Variants in MEMO1 observed in about 807,000 individuals in gnomAD.
The protein encoded by MEMO1 is protein MEMO1.
In MEMO1, 6 loss-of-function variants were observed where a neutral mutation model predicts 45.2. That is an observed-to-expected ratio of 0.13 (90% CI 0.07 to 0.26). The LOEUF (loss-of-function observed/expected upper bound fraction) is 0.26. Among genes scored for constraint, MEMO1 ranks in the 10% least tolerant of loss-of-function variants. MEMO1 has a pLI of 1.00. For synonymous variants in MEMO1, 78 were observed against 124.3 expected, an observed-to-expected ratio of 0.63 and a Z score of 2.48; for missense variants, 184 against 370.5, an observed-to-expected ratio of 0.50 and a Z score of 4.13.
At chr2:31,947,347 A>G (rs546067841) in intron 2 of MEMO1, among the ~76,000 whole-genome samples, 2 of 152,344 alleles carry the variant, frequency 1.3e-5, no homozygotes, top group East Asian at 1.9e-4. Context: ...TTATCTTTGA[A>G]TAAGATAATT....
chr2:31,993,467 G>A lies in MEMO1; in HGVS notation c.61+16720C>T, dbSNP rs1220812238. ...AAGACAACTTATAAACTACTGCCCA[G>A]TGAAGAGGAGCACAGACCTGGGTGG... On this transcript the variant is annotated intron_variant, in intron 2 of 9. Coordinates refer to ENST00000404530, the MANE Select transcript of MEMO1 (RefSeq NM_001301833.4). 4.6e-5 allele frequency among the ~76,000 whole-genome samples: 7 copies of A among 152,312 alleles called. No individual in the cohort carries two copies. In the South Asian group the frequency reaches 1.2e-3, roughly 27 times the overall value.
At chr2:31,869,362 TTC>T (rs1410053934) in intron 9 of MEMO1, among the ~76,000 whole-genome samples, 13 of 152,182 alleles carry the variant, frequency 8.5e-5, no homozygotes, top group Non-Finnish European at 7.4e-5. Flanking sequence ...TAACCGAAAC[TTC>T]TGACTCTTAC....
intron 4 of MEMO1, among the ~76,000 whole-genome samples, chr2:31,929,763 A>G (rs1367772807): frequency 6.6e-6 from 1 of 152,230 alleles, no homozygotes; most frequent in Non-Finnish European, 1.5e-5. Flanking sequence ...GTGGAAGGTA[A>G]GAATAGAAAG....
At chr2:31,911,058 G>A (rs372584603) in intron 6 of MEMO1, among the ~76,000 whole-genome samples, 3 of 152,092 alleles carry the variant, frequency 2.0e-5, no homozygotes, top group African/African-American at 7.2e-5. Context: ...AGGGGGAGAA[G>A]ATTGGCAATG....
chr2:32,001,334 C>T (rs934262609), intron 2 of MEMO1, among the ~76,000 whole-genome samples: 11 of 152,022 alleles, frequency 7.2e-5, no homozygotes, highest in Admixed American at 2.0e-4. Flanking sequence ...CCATCGCACC[C>T]GGCAGAAGTG....
intron 2 of MEMO1, among the ~76,000 whole-genome samples, chr2:31,969,584 T>TGG (rs1237171463): frequency 8.3e-4 from 81 of 97,834 alleles, no homozygotes; most frequent in Middle Eastern, 5.3e-3. Context: ...GGTGTGTGTG[T>TGG]GGGTGTGTGT....
chr2:31,931,103 A>G (rs962233215), intron 4 of MEMO1, among the ~76,000 whole-genome samples: 3 of 152,124 alleles, frequency 2.0e-5, no homozygotes, highest in Non-Finnish European at 4.4e-5. Flanking sequence ...AACCTCACCA[A>G]TTTAGAAATA....
intron 8 of MEMO1, among the ~76,000 whole-genome samples, chr2:31,879,877 T>C (rs1023322322): frequency 2.0e-5 from 3 of 152,206 alleles, no homozygotes; most frequent in Non-Finnish European, 2.9e-5. Flanking sequence ...AACTCATCTT[T>C]TTCCTTAAAT....
At chr2:31,913,428 A>G (rs143277281) in intron 6 of MEMO1, among the ~76,000 whole-genome samples, 1,627 of 152,144 alleles carry the variant, frequency 0.011, 34 homozygotes, top group African/African-American at 0.037. Context: ...TATAGCCTAT[A>G]AAGTGGAGTA....
chr2:32,004,088 G>A (rs1490117458), intron 2 of MEMO1, among the ~76,000 whole-genome samples: 1 of 152,188 alleles, frequency 6.6e-6, no homozygotes, highest in Non-Finnish European at 1.5e-5. Context: ...AGCTGAGGCA[G>A]GGGGATCGCT....
At chr2:31,942,438 T>C (rs1665723068) in intron 3 of MEMO1, among the ~76,000 whole-genome samples, 1 of 152,226 alleles carries the variant, frequency 6.6e-6, no homozygotes, top group Non-Finnish European at 1.5e-5. Flanking sequence ...AACACTTTTC[T>C]TTAAAAGTCA....
At chr2:31,986,087 T>C (rs1284021677) in intron 2 of MEMO1, among the ~76,000 whole-genome samples, 4 of 152,298 alleles carry the variant, frequency 2.6e-5, no homozygotes, top group Non-Finnish European at 5.9e-5. Context: ...TACTGCCTAT[T>C]GTTTTTAAAT....
At chr2:31,942,419 G>A (rs1358419073) in intron 3 of MEMO1, among the ~76,000 whole-genome samples, 2 of 152,132 alleles carry the variant, frequency 1.3e-5, no homozygotes, top group Non-Finnish European at 1.5e-5. Context: ...AAGTTTACCT[G>A]ATGTAAAAAA....
At chr2:31,934,467 A>AT (rs1162584475) in intron 3 of MEMO1, among the ~76,000 whole-genome samples, 2 of 150,788 alleles carry the variant, frequency 1.3e-5, no homozygotes, top group Non-Finnish European at 2.9e-5. Context: ...TTATTTCAAA[A>AT]TTAAAAAAAA....
chr2:31,880,834 C>T (rs1322105922), intron 8 of MEMO1, among the ~76,000 whole-genome samples: 1 of 152,088 alleles, frequency 6.6e-6, no homozygotes, highest in Non-Finnish European at 1.5e-5. Context: ...GCTTAGACAA[C>T]ATGGCGAAAC....
chr2:31,971,395 G>C (rs1007488077), intron 2 of MEMO1, among the ~76,000 whole-genome samples: 5 of 152,036 alleles, frequency 3.3e-5, no homozygotes, highest in Admixed American at 2.6e-4. Context: ...CTACAGGCTT[G>C]CATCACCATG....
intron 6 of MEMO1, among the ~76,000 whole-genome samples, chr2:31,898,884 T>C (rs1250316444): frequency 2.0e-5 from 3 of 152,196 alleles, no homozygotes; most frequent in African/African-American, 7.2e-5. Flanking sequence ...GCTTTATGAA[T>C]CTGGGTGCTC....
chr2:31,890,144 T>C (rs796341974), intron 7 of MEMO1, among the ~76,000 whole-genome samples: 8 of 152,264 alleles, frequency 5.3e-5, no homozygotes, highest in African/African-American at 1.9e-4. Flanking sequence ...AAAAGGATGA[T>C]TCCACAGAAA....
intron 6 of MEMO1, among the ~76,000 whole-genome samples, chr2:31,900,528 T>C (rs1472514393): frequency 3.3e-5 from 5 of 151,736 alleles, no homozygotes; most frequent in Admixed American, 6.6e-5. Context: ...CCGGGGCCTG[T>C]TGGGGAGTGG....
Sources: allele counts gnomAD v4.1 joint callset (sites outside exome capture counted in the v4.1 genomes callset), GRCh38; gene constraint gnomAD v4.1.1; transcripts MANE v1.5; gene names NCBI Gene and HGNC (gene_info 2026-07-23, HGNC 2026-07-21).